ADAM9: variants seen among roughly 807,000 people sequenced by gnomAD.
The protein encoded by ADAM9 is ADAM metallopeptidase domain 9, also known as disintegrin and metalloproteinase domain-containing protein 9.
Under a neutral mutation model 108.1 loss-of-function variants are expected in ADAM9, and 54 were observed. The observed-to-expected ratio is 0.50, with a 90% CI of 0.40 to 0.63. The LOEUF (loss-of-function observed/expected upper bound fraction) is 0.63, where lower values mean the gene tolerates loss of function less well. Among genes scored for constraint, ADAM9 ranks in the 20% least tolerant of loss-of-function variants. The pLI, the probability that ADAM9 is intolerant of heterozygous loss-of-function variation, is 0.00. For synonymous variants in ADAM9, 316 were observed against 336.0 expected (o/e 0.94, Z 0.65); for missense variants, 830 against 997.7 (o/e 0.83, Z 2.26).
At chr8:39,059,030 GC>G (rs1444968758) in intron 14 of ADAM9, among the ~76,000 whole-genome samples, 1 of 152,194 alleles carries the variant, frequency 6.6e-6, no homozygotes, top group Non-Finnish European at 1.5e-5. Flanking sequence ...CATGCTGTCA[GC>G]CAGCTGCTTC....
At chr8:39,045,123 T>C (rs1310070011) in intron 12 of ADAM9, among the ~76,000 whole-genome samples, 9 of 97,450 alleles carry the variant, frequency 9.2e-5, no homozygotes, top group African/African-American at 3.8e-4. Flanking sequence ...CATATGTGTG[T>C]GTGCATACAT....
rs764716370 is a variant in ADAM9 at position 39,104,370 on chromosome 8, G to C, written c.*670G>C. Reference sequence around the variant, plus strand: ...CATTTTTATGACCTTTCAACTATAGGTAATAACTCTTAGAGAAATTAATTT... The same window carrying C: ...CATTTTTATGACCTTTCAACTATAGCTAATAACTCTTAGAGAAATTAATTT... On this transcript the variant is annotated 3_prime_UTR_variant, in exon 22 of 22. Coordinates refer to ENST00000487273, the MANE Select transcript of ADAM9 (RefSeq NM_003816.3). 1 of 448,774 alleles carries C rather than the reference G, an allele frequency of 2.2e-6. No homozygotes were observed. The allele number at this position is 448,774 out of a possible 1,614,324, so 27.8% of individuals were successfully genotyped here.
chr8:39,089,608 T>C (rs1839285965), intron 18 of ADAM9, among the ~76,000 whole-genome samples: 1 of 152,170 alleles, frequency 6.6e-6, no homozygotes. Flanking sequence ...ATTGGAAAAA[T>C]ATAAGTGTTT....
At chr8:39,015,997 A>G (rs1302638568) in intron 4 of ADAM9, 121 bp from the exon 5 acceptor site, 1 of 896,774 alleles carries the variant, frequency 1.1e-6, no homozygotes, top group Non-Finnish European at 1.8e-6. Context: ...CAATAATATA[A>G]ATAAAACTTT....
intron 10 of ADAM9, 85 bp downstream of exon 10, chr8:39,025,969 C>G: frequency 7.4e-7 from 1 of 1,356,124 alleles, no homozygotes; most frequent in Non-Finnish European, 1.1e-6. Flanking sequence ...CTCCCCTGGT[C>G]CTTAAAACAA....
At chr8:39,023,556 G>A (rs959265656) in intron 9 of ADAM9, among the ~76,000 whole-genome samples, 3 of 151,842 alleles carry the variant, frequency 2.0e-5, no homozygotes, top group Non-Finnish European at 4.4e-5. Flanking sequence ...GGTATAGTGT[G>A]CTTTGTACTA....
At chr8:39,029,348 A>G (rs937364041) in intron 11 of ADAM9, among the ~76,000 whole-genome samples, 52 of 152,244 alleles carry the variant, frequency 3.4e-4, no homozygotes, top group African/African-American at 1.2e-3. Flanking sequence ...CATGAGGTAG[A>G]GGGACACTGA....
intron 2 of ADAM9, among the ~76,000 whole-genome samples, chr8:39,009,410 C>T (rs1836271984): frequency 1.3e-5 from 2 of 152,126 alleles, no homozygotes; most frequent in South Asian, 2.1e-4. Context: ...CAGCTAATTT[C>T]GTATCTTTAG....
intron 14 of ADAM9, among the ~76,000 whole-genome samples, chr8:39,065,323 A>G (rs1184704695): frequency 6.7e-6 from 1 of 148,738 alleles, no homozygotes; most frequent in Non-Finnish European, 1.5e-5. Flanking sequence ...AAACTCTTTT[A>G]TATTCTCTGA....
At chr8:39,004,438 C>T (rs1564217597) in intron 1 of ADAM9, among the ~76,000 whole-genome samples, 1 of 152,126 alleles carries the variant, frequency 6.6e-6, no homozygotes, top group Non-Finnish European at 1.5e-5. Flanking sequence ...TGGTCTTGAG[C>T]TCTTGGGCTC....
intron 18 of ADAM9, among the ~76,000 whole-genome samples, chr8:39,086,972 C>A (rs1403686050): frequency 6.6e-6 from 1 of 152,184 alleles, no homozygotes; most frequent in Non-Finnish European, 1.5e-5. Context: ...CTTATTTCCA[C>A]CAATCTTTTC....
intron 12 of ADAM9, among the ~76,000 whole-genome samples, chr8:39,048,807 C>CT (rs1837858961): frequency 6.6e-6 from 1 of 151,712 alleles, no homozygotes; most frequent in South Asian, 2.1e-4. Context: ...TGAATTGTTA[C>CT]TTTTATCATT....
intron 13 of ADAM9, 38 bp from the exon 14 acceptor site, chr8:39,055,539 C>G (rs776172904): frequency 5.0e-6 from 8 of 1,590,772 alleles, no homozygotes; most frequent in Non-Finnish European, 6.9e-6. Context: ...TGGACATTAT[C>G]CTGATATTTC....
intron 8 of ADAM9, 78 bp downstream of exon 8, chr8:39,021,792 T>C: frequency 7.6e-7 from 1 of 1,314,968 alleles, no homozygotes; most frequent in South Asian, 1.2e-5. Context: ...AAATGTCTCA[T>C]TTTGAGTTCT....
chr8:39,093,667 G>A (rs1044816774), intron 20 of ADAM9, among the ~76,000 whole-genome samples: 24 of 152,198 alleles, frequency 1.6e-4, no homozygotes, highest in African/African-American at 5.8e-4. Context: ...TCTTATTCCT[G>A]ATCTTAGAGG....
intron 3 of ADAM9, among the ~76,000 whole-genome samples, chr8:39,012,652 T>C (rs1836392760): frequency 6.6e-6 from 1 of 152,174 alleles, no homozygotes; most frequent in South Asian, 2.1e-4. Flanking sequence ...TGTAGGGACA[T>C]GGATGAAGCT....
At chr8:39,048,117 C>T (rs981057714) in intron 12 of ADAM9, among the ~76,000 whole-genome samples, 9 of 152,124 alleles carry the variant, frequency 5.9e-5, no homozygotes, top group East Asian at 1.9e-4. Context: ...GATGGGGTTT[C>T]GCCATGTTGG....
chr8:39,033,802 T>G (rs181902312), intron 11 of ADAM9, among the ~76,000 whole-genome samples: 49 of 152,312 alleles, frequency 3.2e-4, no homozygotes, highest in Admixed American at 2.1e-3. Context: ...GCATTTGGGT[T>G]TAAATCTACC....
chr8:39,097,341 C>T (rs558914779), intron 20 of ADAM9, among the ~76,000 whole-genome samples: 2 of 150,046 alleles, frequency 1.3e-5, no homozygotes, highest in Admixed American at 6.6e-5. Context: ...GAGTCTTTCT[C>T]GGTTGCCCAG....
Sources: gnomAD v4.1 joint callset for allele counts (sites outside exome capture counted in the v4.1 genomes callset) on GRCh38, gnomAD v4.1.1 for gene constraint, MANE v1.5 for transcripts, NCBI Gene and HGNC (gene_info 2026-07-23, HGNC 2026-07-21) for gene names.